CNTN5: variants seen among roughly 807,000 people sequenced by gnomAD.
The protein encoded by CNTN5 is contactin-5.
A neutral mutation model predicts 129.1 loss-of-function variants in CNTN5; 77 were observed. The observed-to-expected ratio is 0.60, with a 90% CI of 0.50 to 0.72. CNTN5 has a LOEUF of 0.72. Ranked by LOEUF, CNTN5 falls within the 30% of genes least tolerant of loss-of-function variation. The pLI is 0.00. For missense variants in CNTN5, 1,478 were observed against 1,328.8 expected (o/e 1.11, Z -1.75); for synonymous variants, 509 against 465.6 (o/e 1.09, Z -1.20).
chr11:100,214,850 A>AT (rs1350668350), intron 15 of CNTN5, among the ~76,000 whole-genome samples: 4 of 152,168 alleles, frequency 2.6e-5, no homozygotes, highest in Non-Finnish European at 5.9e-5. Flanking sequence ...TCTGCTTCCC[A>AT]TTTTGTGGGC....
intron 16 of CNTN5, among the ~76,000 whole-genome samples, chr11:100,247,067 A>G (rs1310512025): frequency 6.6e-6 from 1 of 152,226 alleles, no homozygotes; most frequent in East Asian, 1.9e-4. Flanking sequence ...GGGACATGGT[A>G]CTATGAATGT....
intron 1 of CNTN5, among the ~76,000 whole-genome samples, chr11:99,271,752 T>G (rs942514520): frequency 6.6e-6 from 1 of 151,840 alleles, no homozygotes; most frequent in African/African-American, 2.4e-5. Context: ...TGACTATTGA[T>G]AAAAGCCCTT....
intron 13 of CNTN5, among the ~76,000 whole-genome samples, chr11:100,166,749 C>T (rs1329464249): frequency 6.6e-6 from 1 of 151,766 alleles, no homozygotes; most frequent in Non-Finnish European, 1.5e-5. Context: ...AATTTGTGTA[C>T]ACTTAACAGT....
chr11:99,342,086 T>C (rs1434261800), intron 2 of CNTN5, among the ~76,000 whole-genome samples: 1 of 152,220 alleles, frequency 6.6e-6, no homozygotes, highest in South Asian at 2.1e-4. Context: ...TTATTTGTCA[T>C]GCTGATCTTT....
intron 2 of CNTN5, among the ~76,000 whole-genome samples, chr11:99,505,895 A>T (rs1320285004): frequency 6.6e-6 from 1 of 152,178 alleles, no homozygotes; most frequent in East Asian, 1.9e-4. Context: ...TAAATGAATG[A>T]CACTCTTCAG....
intron 9 of CNTN5, among the ~76,000 whole-genome samples, chr11:100,003,147 CAT>C (rs1939983292): frequency 1.3e-5 from 2 of 152,050 alleles, no homozygotes; most frequent in East Asian, 1.9e-4. Context: ...TAAAATAAGA[CAT>C]ATATGCAATT....
chr11:99,078,090 G>A (rs1052238175), intron 1 of CNTN5, among the ~76,000 whole-genome samples: 2 of 151,692 alleles, frequency 1.3e-5, no homozygotes, highest in Non-Finnish European at 2.9e-5. Flanking sequence ...TAATTAATGG[G>A]GATTTAAAAA....
intron 3 of CNTN5, among the ~76,000 whole-genome samples, chr11:99,660,101 T>C (rs1565399826): frequency 6.6e-6 from 1 of 152,086 alleles, no homozygotes. Context: ...ACCCATAATA[T>C]ATTATATAGC....
chr11:100,289,845 G>A (rs1950912643), intron 18 of CNTN5, among the ~76,000 whole-genome samples: 2 of 149,982 alleles, frequency 1.3e-5, no homozygotes, highest in South Asian at 4.3e-4. Context: ...TGACATGATT[G>A]TATATCTAGA....
chr11:99,062,007 C>A (rs1395279875), intron 1 of CNTN5, among the ~76,000 whole-genome samples: 1 of 144,258 alleles, frequency 6.9e-6, no homozygotes, highest in Non-Finnish European at 1.5e-5. Context: ...AAAAAAAAGT[C>A]TCTGTGAATT....
At chr11:99,738,483 A>G (rs1943781595) in intron 3 of CNTN5, among the ~76,000 whole-genome samples, 2 of 152,196 alleles carry the variant, frequency 1.3e-5, no homozygotes, top group South Asian at 4.1e-4. Flanking sequence ...CTTTTAGACA[A>G]ATTGATGTCC....
intron 5 of CNTN5, 42 bp downstream of exon 5, chr11:99,845,017 C>T: frequency 6.2e-7 from 1 of 1,609,498 alleles, no homozygotes. Flanking sequence ...GCCTTAAAAA[C>T]TTTCCATCAA....
chr11:99,932,381 C>T (rs1347669515), intron 7 of CNTN5, among the ~76,000 whole-genome samples: 3 of 151,880 alleles, frequency 2.0e-5, no homozygotes, highest in Non-Finnish European at 2.9e-5. Context: ...TTAGTAGAGA[C>T]GGGGTTTCTC....
chr11:99,187,511 GAT>G (rs1275936718), intron 1 of CNTN5, among the ~76,000 whole-genome samples: 3 of 151,712 alleles, frequency 2.0e-5, no homozygotes, highest in Non-Finnish European at 2.9e-5. Flanking sequence ...AACAAATTGA[GAT>G]ATGTTATTTT....
At chr11:99,961,206 G>GAAAAAAAAAAA (rs769692454) in intron 8 of CNTN5, among the ~76,000 whole-genome samples, 1 of 95,716 alleles carries the variant, frequency 1.0e-5, no homozygotes. Flanking sequence ...CTCCGTCTCA[G>GAAAAAAAAAAA]AAAAAAAAAA....
intron 2 of CNTN5, among the ~76,000 whole-genome samples, chr11:99,329,497 G>A (rs974109383): frequency 6.6e-6 from 1 of 152,146 alleles, no homozygotes; most frequent in Non-Finnish European, 1.5e-5. Flanking sequence ...CTCTTAGTCT[G>A]AAGGCTCAGT....
chr11:99,724,577 G>T (rs1053016004), intron 3 of CNTN5, among the ~76,000 whole-genome samples: 6 of 152,270 alleles, frequency 3.9e-5, no homozygotes, highest in Admixed American at 6.5e-5. Flanking sequence ...AATTTAGAAT[G>T]AGAAAGCGAA....
intron 1 of CNTN5, among the ~76,000 whole-genome samples, chr11:99,171,708 G>A (rs1861156499): frequency 6.6e-6 from 1 of 152,128 alleles, no homozygotes; most frequent in South Asian, 2.1e-4. Flanking sequence ...AACTCTTCGT[G>A]TTATGCCAGT....
chr11:100,146,970 G>T (rs527763475), intron 13 of CNTN5, among the ~76,000 whole-genome samples: 1 of 152,158 alleles, frequency 6.6e-6, no homozygotes, highest in South Asian at 2.1e-4. Context: ...TTTTGCATAG[G>T]CTATTTCAGT....
Sources: gnomAD v4.1 joint callset for allele counts (sites outside exome capture counted in the v4.1 genomes callset) on GRCh38, gnomAD v4.1.1 for gene constraint, MANE v1.5 for transcripts, NCBI Gene and HGNC (gene_info 2026-07-23, HGNC 2026-07-21) for gene names.